Variants in CHEK2 observed in about 807,000 individuals in gnomAD.
CHEK2 encodes the protein checkpoint kinase 2.
Under a neutral mutation model 69.1 loss-of-function variants are expected in CHEK2, and 71 were observed. That is an observed-to-expected ratio of 1.03 (90% CI 0.85 to 1.25). CHEK2 has a LOEUF of 1.25. Among genes scored for constraint, CHEK2 ranks in the 50% most tolerant of loss-of-function variants. The pLI is 0.00. For synonymous variants in CHEK2, 189 were observed against 226.9 expected (o/e 0.83, Z 1.50); for missense variants, 664 against 649.6 (o/e 1.02, Z -0.24).
chr22:28,722,539 C>CA (rs755107963), intron 4 of CHEK2, among the ~76,000 whole-genome samples: 2,143 of 67,644 alleles, frequency 0.032, 61 homozygotes, highest in African/African-American at 0.045. Context: ...GACTCCGTCT[C>CA]AAAAAAAAAA....
chr22:28,696,246 C>T (rs1310479781), intron 10 of CHEK2, among the ~76,000 whole-genome samples: 2 of 152,208 alleles, frequency 1.3e-5, no homozygotes, highest in East Asian at 3.8e-4. Context: ...CTTGGAAACA[C>T]ATGCTTATAC....
chr22:28,713,346 T>C (rs961977660), intron 5 of CHEK2, among the ~76,000 whole-genome samples: 1 of 151,976 alleles, frequency 6.6e-6, no homozygotes. Context: ...GCTATGAACA[T>C]TTATGTACAA....
intron 8 of CHEK2, among the ~76,000 whole-genome samples, chr22:28,700,745 G>A (rs2052809437): frequency 6.6e-6 from 1 of 152,146 alleles, no homozygotes; most frequent in African/African-American, 2.4e-5. Context: ...GATGGCTGAT[G>A]TAGGAAAAGC....
At chr22:28,734,194 C>A (rs1177936642) in intron 2 of CHEK2, among the ~76,000 whole-genome samples, 2 of 152,150 alleles carry the variant, frequency 1.3e-5, no homozygotes, top group Non-Finnish European at 2.9e-5. Context: ...CTCAGGCCTG[C>A]TCCCATCCTG....
intron 2 of CHEK2, among the ~76,000 whole-genome samples, chr22:28,728,612 G>A (rs369997418): frequency 6.6e-6 from 1 of 152,144 alleles, no homozygotes; most frequent in Non-Finnish European, 1.5e-5. Context: ...TGAGGCACAA[G>A]AATCGTTTGA....
In CHEK2 at chr22:28,715,138, T is replaced by C. The variant is rs140442828; in HGVS notation, c.684-3121A>G. On this transcript the variant is annotated intron_variant, in intron 5 of 14. Coordinates refer to ENST00000404276, the MANE Select transcript of CHEK2 (RefSeq NM_007194.4). ...ATGCTGACATTGGGAGACAGACTTC[T>C]CTCTGTTGTAGTTTCTAGACAAAGA... 4.0e-3 allele frequency among the ~76,000 whole-genome samples: 603 copies of C among 152,324 alleles called. 5 individuals are homozygous for C. The highest frequency in any genetic ancestry group is 0.014 in the African/African-American group (575 of 41,580).
intron 13 of CHEK2, among the ~76,000 whole-genome samples, chr22:28,691,818 C>T (rs1254596618): frequency 1.3e-5 from 2 of 152,236 alleles, no homozygotes; most frequent in East Asian, 3.8e-4. Context: ...CAAAACTGGG[C>T]ACTCTGTTAA....
intron 2 of CHEK2, among the ~76,000 whole-genome samples, chr22:28,726,072 C>A (rs541190636): frequency 6.6e-6 from 1 of 151,708 alleles, no homozygotes; most frequent in Admixed American, 6.6e-5. Flanking sequence ...GGCGTGGTGG[C>A]GGGTGCCTGT....
intron 5 of CHEK2, among the ~76,000 whole-genome samples, chr22:28,713,455 G>A (rs1176006942): frequency 2.0e-5 from 3 of 150,264 alleles, no homozygotes; most frequent in African/African-American, 7.3e-5. Flanking sequence ...CGCCTCCCGG[G>A]TTCACGCCAT....
intron 5 of CHEK2, among the ~76,000 whole-genome samples, chr22:28,719,182 C>T (rs867128637): frequency 3.3e-5 from 5 of 152,144 alleles, no homozygotes; most frequent in South Asian, 2.1e-4. Context: ...GGTAACAGAG[C>T]AACACCCTGT....
Position 28,719,496 on chromosome 22 carries a change from A to G in CHEK2, c.593-11T>C. ...CAAAAAAGACAAAAACTAAGGAAGA[A>G]AAGAGTAGAAATGGGTTTCATTAAT... On this transcript the variant is annotated splice_polypyrimidine_tract_variant and intron_variant, in intron 4 of 14. Transcript: ENST00000404276. 1 of 1,494,264 alleles carries G rather than the reference A, an allele frequency of 6.7e-7. No homozygotes were observed. Among genetic ancestry groups the G allele is most frequent in the Non-Finnish European group, 9.2e-7 (1 of 1,082,458 alleles). The allele number at this position is 1,494,264 out of a possible 1,614,324, so 92.6% of individuals were successfully genotyped here.
intron 2 of CHEK2, 138 bp from the exon 3 acceptor site, chr22:28,725,505 A>G: frequency 1.8e-6 from 2 of 1,096,420 alleles, no homozygotes; most frequent in Non-Finnish European, 2.7e-6. Context: ...AAGATTTTAC[A>G]AGATTAAAAA....
At chr22:28,694,392 C>T (rs768613187) in intron 12 of CHEK2, among the ~76,000 whole-genome samples, 1 of 152,078 alleles carries the variant, frequency 6.6e-6, no homozygotes, top group African/African-American at 2.4e-5. Flanking sequence ...GACTCAAGGT[C>T]GGACTAATTA....
chr22:28,725,647 C>T (rs2053976737), intron 2 of CHEK2, among the ~76,000 whole-genome samples: 1 of 152,124 alleles, frequency 6.6e-6, no homozygotes, highest in Non-Finnish European at 1.5e-5. Flanking sequence ...GATCACTTGA[C>T]CCCAGGAGCT....
At chr22:28,727,695 G>A (rs1257023535) in intron 2 of CHEK2, among the ~76,000 whole-genome samples, 2 of 152,116 alleles carry the variant, frequency 1.3e-5, no homozygotes, top group East Asian at 1.9e-4. Context: ...AATAGGTAAA[G>A]GATATGAAAA....
At chr22:28,738,185 A>G (rs968965970) in intron 1 of CHEK2, 1 of 152,292 alleles carries the variant, frequency 6.6e-6, no homozygotes, top group African/African-American at 2.4e-5. Context: ...AGCCTGGGTG[A>G]CAGAGCGAGA....
intron 9 of CHEK2, 165 bp downstream of exon 9, chr22:28,699,673 T>C (rs967261791): frequency 9.1e-6 from 6 of 662,248 alleles, no homozygotes. Context: ...GTGAGAGCTT[T>C]TTCATCTCAG....
chr22:28,700,506 G>A lies in CHEK2; in HGVS notation c.909-569C>T, dbSNP rs963282669. ...GCTGGGATTACAGGCATAAGCCACCGCACCCAGTCAGGAGTTTGCATTTTT... is the reference window on the plus strand; with the variant it reads ...GCTGGGATTACAGGCATAAGCCACCACACCCAGTCAGGAGTTTGCATTTTT... On this transcript the variant is annotated intron_variant, in intron 8 of 14. Transcript: ENST00000404276. Among the ~76,000 whole-genome samples, 8 of 152,022 alleles carry A rather than the reference G, an allele frequency of 5.3e-5. No homozygotes were observed. The East Asian group carries it at 5.8e-4, about 11-fold the overall frequency.
intron 5 of CHEK2, chr22:28,712,336 A>G: frequency 2.8e-6 from 1 of 362,546 alleles, no homozygotes; most frequent in East Asian, 4.3e-5. Flanking sequence ...CCGAGAGGTC[A>G]GAAAAACATT....
Sources: gnomAD v4.1 joint callset for allele counts (sites outside exome capture counted in the v4.1 genomes callset) on GRCh38, gnomAD v4.1.1 for gene constraint, MANE v1.5 for transcripts, NCBI Gene and HGNC (gene_info 2026-07-23, HGNC 2026-07-21) for gene names.